CENPP: variants seen among roughly 807,000 people sequenced by gnomAD.
CENPP encodes the protein centromere protein P.
CENPP carries 24 observed loss-of-function variants against 35.6 expected under a neutral mutation model. The ratio of observed to expected loss-of-function variants is 0.67; its 90% CI spans 0.49 to 0.95. The LOEUF (loss-of-function observed/expected upper bound fraction) is 0.95, where lower values mean the gene tolerates loss of function less well. Ranked by LOEUF, CENPP falls within the 40% of genes least tolerant of loss-of-function variation. The pLI, the probability that CENPP is intolerant of heterozygous loss-of-function variation, is 0.00. For missense variants in CENPP, 332 were observed against 345.3 expected, an observed-to-expected ratio of 0.96 and a Z score of 0.31; for synonymous variants, 120 against 125.5, an observed-to-expected ratio of 0.96 and a Z score of 0.29.
intron 5 of CENPP, chr9:92,536,090 C>T (rs1390303393): frequency 2.1e-6 from 1 of 479,068 alleles, no homozygotes; most frequent in Non-Finnish European, 4.1e-6. Flanking sequence ...ATAACTGCCT[C>T]CCTTGGGGAT....
intron 3 of CENPP, among the ~76,000 whole-genome samples, chr9:92,342,139 A>G (rs72750500): frequency 0.031 from 4,661 of 152,376 alleles, 110 homozygotes; most frequent in South Asian, 0.08. Flanking sequence ...GAAGTTGGGC[A>G]AAGAAAGCCT....
chr9:92,329,723 TTG>T (rs113846007), intron 1 of CENPP, among the ~76,000 whole-genome samples: 4,690 of 150,858 alleles, frequency 0.031, 108 homozygotes, highest in South Asian at 0.079. Flanking sequence ...CCAGATAATT[TTG>T]TGTGTGTGTG....
chr9:92,352,505 G>GTGTGTGTGTGTATA, intron 4 of CENPP, among the ~76,000 whole-genome samples: 2 of 49,796 alleles, frequency 4.0e-5, no homozygotes, highest in African/African-American at 1.8e-4. Context: ...GTGTGTGTGT[G>GTGTGTGTGTGTATA]TATACATATA....
chr9:92,579,917 A>G (rs1473123382), intron 5 of CENPP, among the ~76,000 whole-genome samples: 4 of 149,174 alleles, frequency 2.7e-5, no homozygotes, highest in Admixed American at 2.7e-4. Flanking sequence ...TTGCCCATTC[A>G]GTATGATATT....
At chr9:92,435,074 T>G (rs968543055) in intron 5 of CENPP, among the ~76,000 whole-genome samples, 1 of 152,082 alleles carries the variant, frequency 6.6e-6, no homozygotes, top group Non-Finnish European at 1.5e-5. Flanking sequence ...AAAAGTATAC[T>G]GTACACTGTG....
intron 5 of CENPP, among the ~76,000 whole-genome samples, chr9:92,441,778 A>G (rs1047750692): frequency 2.0e-5 from 3 of 152,104 alleles, no homozygotes; most frequent in African/African-American, 7.2e-5. Flanking sequence ...AAACAAAACA[A>G]AGACTTAAAA....
chr9:92,516,265 A>G (rs1480372784), intron 5 of CENPP, among the ~76,000 whole-genome samples: 1 of 151,958 alleles, frequency 6.6e-6, no homozygotes, highest in Non-Finnish European at 1.5e-5. Context: ...GGGTTTCACC[A>G]TGTTGACCAG....
At chr9:92,469,140 G>T (rs866556565) in intron 5 of CENPP, among the ~76,000 whole-genome samples, 1 of 152,162 alleles carries the variant, frequency 6.6e-6, no homozygotes, top group Non-Finnish European at 1.5e-5. Flanking sequence ...AAAGTTAGTG[G>T]GGTGGACTGG....
chr9:92,326,140 G>C, intron 1 of CENPP, 35 bp downstream of exon 1: 1 of 1,403,998 alleles, frequency 7.1e-7, no homozygotes, highest in Non-Finnish European at 9.7e-7. Flanking sequence ...AGGGCCCGCT[G>C]GCCAGGGTTC....
rs77998326 is a variant in CENPP, at chr9:92,476,589, T to A, written c.564+96730T>A. ...TGTGATAATCCACACTAACTTATGCTAGGAAGGAGGTTACAGGACAGATCT... is the reference window on the plus strand; with the variant it reads ...TGTGATAATCCACACTAACTTATGCAAGGAAGGAGGTTACAGGACAGATCT... On this transcript the variant is annotated intron_variant, in intron 5 of 7. Transcript: ENST00000375587. This position sits in a 1 kb window ranked among gnomAD's most constrained non-coding sequence, Gnocchi z 4.1. 6.6e-6 allele frequency among the ~76,000 whole-genome samples: 1 copy of A among 152,302 alleles called. No homozygotes were observed. Among genetic ancestry groups the A allele is most frequent in the African/African-American group, 2.4e-5 (1 of 41,568 alleles).
intron 5 of CENPP, among the ~76,000 whole-genome samples, chr9:92,520,168 C>T (rs1588220611): frequency 6.6e-6 from 1 of 151,334 alleles, no homozygotes; most frequent in Non-Finnish European, 1.5e-5. Context: ...CTTGTAGTCC[C>T]AGCTACTTGG....
intron 5 of CENPP, among the ~76,000 whole-genome samples, chr9:92,584,836 T>A (rs1850505133): frequency 6.6e-6 from 1 of 152,258 alleles, no homozygotes; most frequent in African/African-American, 2.4e-5. Flanking sequence ...TTTCATTAAT[T>A]CCTTTTACAT....
chr9:92,548,032 A>G (rs1445592003), intron 5 of CENPP, among the ~76,000 whole-genome samples: 1 of 152,264 alleles, frequency 6.6e-6, no homozygotes, highest in Non-Finnish European at 1.5e-5. Context: ...TAAAAAATCC[A>G]AAAGAATTTT....
At chr9:92,480,058 CCT>C (rs1845858070) in intron 5 of CENPP, among the ~76,000 whole-genome samples, 1 of 152,058 alleles carries the variant, frequency 6.6e-6, no homozygotes, top group Non-Finnish European at 1.5e-5. Flanking sequence ...TGAGGTACAA[CCT>C]CTGTTTTATT....
At chr9:92,422,723 C>T (rs908638572) in intron 5 of CENPP, among the ~76,000 whole-genome samples, 9 of 152,150 alleles carry the variant, frequency 5.9e-5, no homozygotes, top group African/African-American at 2.2e-4. Flanking sequence ...ATCCTGTTTT[C>T]ATCTATATGC....
At chr9:92,459,825 G>C in intron 5 of CENPP, 1 of 1,555,208 alleles carries the variant, frequency 6.4e-7, no homozygotes, top group Non-Finnish European at 8.8e-7. Context: ...GTGTGATAGA[G>C]TTAGCTGAAA....
chr9:92,497,333 G>C (rs936759460), intron 5 of CENPP, among the ~76,000 whole-genome samples: 5 of 150,600 alleles, frequency 3.3e-5, no homozygotes, highest in African/African-American at 1.2e-4. Context: ...CTTTTAAAAA[G>C]TAAAGGGTAG....
intron 5 of CENPP, among the ~76,000 whole-genome samples, chr9:92,426,762 T>G (rs1257266281): frequency 1.3e-5 from 2 of 152,098 alleles, no homozygotes; most frequent in Non-Finnish European, 2.9e-5. Context: ...CATGTGGTAA[T>G]AGATTAGAGT....
intron 5 of CENPP, among the ~76,000 whole-genome samples, chr9:92,448,425 A>G (rs577353205): frequency 1.3e-5 from 2 of 152,048 alleles, no homozygotes; most frequent in East Asian, 3.9e-4. Context: ...GCCCACCACT[A>G]TGCCCAGCTA....
Sources: gnomAD v4.1 joint callset for allele counts (sites outside exome capture counted in the v4.1 genomes callset) on GRCh38, gnomAD v4.1.1 for gene constraint, Gnocchi (gnomAD v3.1) non-coding constraint, MANE v1.5 for transcripts, NCBI Gene and HGNC (gene_info 2026-07-23, HGNC 2026-07-21) for gene names.